Variants in MAN2A1 observed in about 807,000 individuals in gnomAD.
MAN2A1 encodes the protein mannosidase alpha class 2A member 1, also known as alpha-mannosidase 2.
MAN2A1 carries 76 observed loss-of-function variants against 142.6 expected under a neutral mutation model. The observed-to-expected ratio is 0.53, with a 90% confidence interval of 0.44 to 0.65. MAN2A1 has a LOEUF of 0.65. Ranked by LOEUF, MAN2A1 falls within the 30% of genes least tolerant of loss-of-function variation. MAN2A1 has a pLI of 0.00. For missense variants in MAN2A1, 1,311 were observed against 1,365.1 expected, an observed-to-expected ratio of 0.96 and a Z score of 0.62; for synonymous variants, 559 against 473.2, an observed-to-expected ratio of 1.18 and a Z score of -2.35.
At chr5:109,857,939 C>T (rs1240668327) in intron 20 of MAN2A1, among the ~76,000 whole-genome samples, 1 of 152,164 alleles carries the variant, frequency 6.6e-6, no homozygotes, top group Non-Finnish European at 1.5e-5. Flanking sequence ...TCACGTATTG[C>T]TGTGTCAGGT....
At chr5:109,694,372 GCT>G (rs2112535467) in intron 1 of MAN2A1, among the ~76,000 whole-genome samples, 2 of 150,134 alleles carry the variant, frequency 1.3e-5, no homozygotes, top group South Asian at 4.2e-4. Flanking sequence ...ATAGGGTTTT[GCT>G]CTGTCATCCA....
rs1440757545 is a variant in MAN2A1 at position 109,704,653 on chromosome 5, C to T, written c.136-8867C>T. Among the ~76,000 whole-genome samples the T allele has an allele frequency of 2.0e-5, 3 of 152,110 alleles. No homozygotes were observed. In the South Asian group the frequency reaches 6.2e-4, roughly 32 times the overall value. On this transcript the variant is annotated intron_variant, in intron 1 of 21. Coordinates refer to ENST00000261483, the MANE Select transcript of MAN2A1 (RefSeq NM_002372.4). ...GCCCAAAAGCCTTCCTGTTAAGTTC[C>T]AGAGATCTGACTAAAGGCAGGGTTT...
At chr5:109,766,177 A>G (rs901341695) in intron 5 of MAN2A1, among the ~76,000 whole-genome samples, 14 of 152,108 alleles carry the variant, frequency 9.2e-5, no homozygotes, top group Non-Finnish European at 1.6e-4. Context: ...TTGTAATGCA[A>G]TATCATAGGG....
chr5:109,825,938 G>A lies in MAN2A1; in HGVS notation c.2566+2101G>A, dbSNP rs527586398. Among the ~76,000 whole-genome samples the A allele has an allele frequency of 1.5e-4, 17 of 111,144 alleles. No homozygotes were observed. In the South Asian group the frequency reaches 3.0e-3, roughly 20 times the overall value. 72.9% of individuals were successfully genotyped at this position (111,144 alleles called of 152,430 possible). ...TTTTTTTTTTTTTTGACAGAGTCTC[G>A]CTCTATCGCCCAGGCTGGAGTGCAG... On this transcript the variant is annotated intron_variant, in intron 16 of 21. Transcript: ENST00000261483.
chr5:109,759,665 G>A (rs1366149488), intron 5 of MAN2A1, among the ~76,000 whole-genome samples: 2 of 152,150 alleles, frequency 1.3e-5, no homozygotes, highest in Non-Finnish European at 1.5e-5. Context: ...TGCAGCTTAT[G>A]TGAACTTTGA....
intron 16 of MAN2A1, among the ~76,000 whole-genome samples, chr5:109,837,658 T>G (rs750424461): frequency 6.6e-6 from 1 of 152,188 alleles, no homozygotes; most frequent in Non-Finnish European, 1.5e-5. Context: ...CTCCTGTCAT[T>G]GCGACATAGC....
At chr5:109,734,260 T>A (rs901703378) in intron 4 of MAN2A1, among the ~76,000 whole-genome samples, 2 of 151,722 alleles carry the variant, frequency 1.3e-5, no homozygotes, top group Admixed American at 6.6e-5. Context: ...TCTTTTCTTC[T>A]TTATTAGTCT....
intron 12 of MAN2A1, among the ~76,000 whole-genome samples, chr5:109,810,372 A>G (rs1170834680): frequency 6.6e-6 from 1 of 152,108 alleles, no homozygotes; most frequent in East Asian, 1.9e-4. Flanking sequence ...GATTTATTCA[A>G]CCTGTTGTTC....
chr5:109,784,855 G>A lies in MAN2A1; in HGVS notation c.1689G>A (p.Leu563=). The change falls in exon 10 of 22, where the codon TTG becomes TTA. Residue 563 remains leucine, a synonymous_variant. Transcript: ENST00000261483. ...CACTGACAGAAGCCAGAAGGAATTT[G>A]GGACTGTTTCAACATCATGATGCTA... The part of the protein sequence containing the change: ...YTALTEARRN[L]GLFQHHDAIT... The A allele has an allele frequency of 6.2e-7, 1 of 1,612,860 alleles. No individual in the cohort carries two copies. The highest frequency in any genetic ancestry group is 8.5e-7 in the Non-Finnish European group (1 of 1,179,398).
intron 3 of MAN2A1, among the ~76,000 whole-genome samples, chr5:109,725,033 A>G (rs1751704120): frequency 6.6e-6 from 1 of 152,092 alleles, no homozygotes; most frequent in African/African-American, 2.4e-5. Context: ...TTGCTCTTAT[A>G]TGTTTGCAGT....
intron 15 of MAN2A1, among the ~76,000 whole-genome samples, chr5:109,821,118 G>C (rs1477220715): frequency 6.6e-6 from 1 of 152,058 alleles, no homozygotes; most frequent in Non-Finnish European, 1.5e-5. Flanking sequence ...TTTACCAACA[G>C]GTGCACAATC....
rs372235235 is a variant in MAN2A1 at position 109,770,551 on chromosome 5, T to C, written c.1196+10T>C. 168 of 1,610,860 alleles carry C rather than the reference T, an allele frequency of 1.0e-4. No homozygotes were observed. The highest frequency in any genetic ancestry group is 1.3e-4 in the Non-Finnish European group (150 of 1,178,108). On this transcript the variant is annotated intron_variant, in intron 7 of 21. Transcript: ENST00000261483. ...GAAATGTCCAAAGCAGGTATGAAAA[T>C]GCGTATTTCATAAGACAACATCTTG...
chr5:109,727,025 A>G (rs1751764321), intron 3 of MAN2A1, among the ~76,000 whole-genome samples: 1 of 152,316 alleles, frequency 6.6e-6, no homozygotes, highest in South Asian at 2.1e-4. Flanking sequence ...ATTTGAATTT[A>G]GCTCAGTTTT....
intron 16 of MAN2A1, among the ~76,000 whole-genome samples, chr5:109,837,661 G>A (rs577899086): frequency 6.6e-5 from 10 of 152,236 alleles, no homozygotes; most frequent in South Asian, 2.1e-4. Flanking sequence ...CTGTCATTGC[G>A]ACATAGCTGC....
At chr5:109,831,821 G>C (rs1442057970) in intron 16 of MAN2A1, among the ~76,000 whole-genome samples, 5 of 151,950 alleles carry the variant, frequency 3.3e-5, no homozygotes, top group African/African-American at 9.7e-5. Flanking sequence ...GTGTGTGTGT[G>C]TGTGTGTGTG....
intron 12 of MAN2A1, among the ~76,000 whole-genome samples, chr5:109,805,830 G>T (rs1754149922): frequency 6.6e-6 from 1 of 152,164 alleles, no homozygotes; most frequent in Non-Finnish European, 1.5e-5. Flanking sequence ...GACTACTGTG[G>T]ACAATAACCA....
intron 3 of MAN2A1, among the ~76,000 whole-genome samples, chr5:109,721,165 G>C (rs1420158065): frequency 6.6e-6 from 1 of 152,200 alleles, no homozygotes; most frequent in African/African-American, 2.4e-5. Flanking sequence ...TTCAAAGTCA[G>C]TTAATTTAAT....
intron 5 of MAN2A1, among the ~76,000 whole-genome samples, chr5:109,761,777 G>C (rs953298094): frequency 6.6e-6 from 1 of 151,750 alleles, no homozygotes; most frequent in African/African-American, 2.4e-5. Flanking sequence ...AGGCTTAGAG[G>C]GGTCTTTTAT....
chr5:109,856,021 G>A (rs535304558), intron 20 of MAN2A1, among the ~76,000 whole-genome samples: 2 of 152,242 alleles, frequency 1.3e-5, no homozygotes, highest in East Asian at 1.9e-4. Flanking sequence ...GCCTAAGTAT[G>A]AAAAGAAGAG....
Sources: allele counts gnomAD v4.1 joint callset (sites outside exome capture counted in the v4.1 genomes callset), GRCh38; gene constraint gnomAD v4.1.1; transcripts MANE v1.5; gene names NCBI Gene and HGNC (gene_info 2026-07-23, HGNC 2026-07-21).